PDE1A: variants seen among roughly 807,000 people sequenced by gnomAD.
PDE1A encodes the protein phosphodiesterase 1A.
In PDE1A, 35 loss-of-function variants were observed where a neutral mutation model predicts 61.7. The observed-to-expected ratio is 0.57, with a 90% CI of 0.43 to 0.75. The LOEUF (loss-of-function observed/expected upper bound fraction) is 0.75. Ranked by LOEUF, PDE1A falls within the 30% of genes least tolerant of loss-of-function variation. The probability of loss-of-function intolerance (pLI) is 0.00; values close to 1 mark genes in which losing one functional copy is unlikely to be tolerated. For missense variants in PDE1A, 597 were observed against 630.6 expected, an observed-to-expected ratio of 0.95 and a Z score of 0.57; for synonymous variants, 232 against 213.2, an observed-to-expected ratio of 1.09 and a Z score of -0.77.
chr2:182,550,624 T>G, the PDE1A span, among the ~76,000 whole-genome samples: 1 of 152,214 alleles, frequency 6.6e-6, no homozygotes. Context: ...TTAGACACAT[T>G]ATTGTATTAT....
At chr2:182,588,351 A>G in the PDE1A span, among the ~76,000 whole-genome samples, 4 of 152,156 alleles carry the variant, frequency 2.6e-5, no homozygotes, top group South Asian at 2.1e-4. Flanking sequence ...ATTCTTGTCC[A>G]TTGATCTTTC....
chr2:182,495,647 C>T (rs1003043836), intron 2 of PDE1A, among the ~76,000 whole-genome samples: 1 of 152,146 alleles, frequency 6.6e-6, no homozygotes, highest in African/African-American at 2.4e-5. Flanking sequence ...CCCTTAGCCT[C>T]CTGCCCCAAG....
At chr2:182,698,307 T>G in the PDE1A span, among the ~76,000 whole-genome samples, 1 of 152,162 alleles carries the variant, frequency 6.6e-6, no homozygotes, top group Non-Finnish European at 1.5e-5. Flanking sequence ...CTTAGGCTCT[T>G]GGACCCTGAA....
At chr2:182,666,529 A>T in the PDE1A span, among the ~76,000 whole-genome samples, 1 of 151,358 alleles carries the variant, frequency 6.6e-6, no homozygotes, top group Non-Finnish European at 1.5e-5. Flanking sequence ...AATCGCTTGA[A>T]CCCGGGAGGC....
chr2:182,249,024 G>C (rs1691198170), intron 2 of PDE1A, among the ~76,000 whole-genome samples: 1 of 152,144 alleles, frequency 6.6e-6, no homozygotes, highest in African/African-American at 2.4e-5. Context: ...CTTTTAATAA[G>C]TTTCATAAAA....
intron 1 of PDE1A, among the ~76,000 whole-genome samples, chr2:182,283,576 A>G (rs1693964910): frequency 6.6e-6 from 1 of 152,066 alleles, no homozygotes; most frequent in South Asian, 2.1e-4. Flanking sequence ...TTTAAAAAAA[A>G]TCTTTTCAAC....
At chr2:182,264,411 T>C (rs142681796) in exon 2 of PDE1A, 1 of 1,609,638 alleles carries the variant, frequency 6.2e-7, no homozygotes, top group Non-Finnish European at 8.5e-7. Context: ...CCAAGCATCT[T>C]AGTCTATTTC....
the PDE1A span, among the ~76,000 whole-genome samples, chr2:182,638,013 G>T: frequency 1.3e-5 from 2 of 152,044 alleles, no homozygotes; most frequent in South Asian, 2.1e-4. Flanking sequence ...AAAACTAAAT[G>T]CAATGTGAAA....
the PDE1A span, among the ~76,000 whole-genome samples, chr2:182,634,680 G>C: frequency 1.1e-4 from 16 of 152,250 alleles, 1 homozygote; most frequent in South Asian, 3.3e-3. Context: ...GCATTATGCG[G>C]TACTCAGAGA....
intron 1 of PDE1A, among the ~76,000 whole-genome samples, chr2:182,413,880 C>T (rs946680649): frequency 6.6e-6 from 1 of 152,152 alleles, no homozygotes; most frequent in Non-Finnish European, 1.5e-5. Context: ...ACTAGTGTTA[C>T]AAGGGACAAG....
chr2:182,590,365 G>A, the PDE1A span, among the ~76,000 whole-genome samples: 1 of 152,104 alleles, frequency 6.6e-6, no homozygotes, highest in South Asian at 2.1e-4. Context: ...CTACTCAGTA[G>A]ACTGAGGTGG....
At chr2:182,524,125 T>C (rs1257682583), upstream of PDE1A, among the ~76,000 whole-genome samples, 1 of 152,176 alleles carries the variant, frequency 6.6e-6, no homozygotes, top group East Asian at 1.9e-4. Flanking sequence ...ATCTTTGCCC[T>C]GAAAGTACCA....
At chr2:182,495,488 G>A (rs1688657780) in intron 2 of PDE1A, among the ~76,000 whole-genome samples, 1 of 152,192 alleles carries the variant, frequency 6.6e-6, no homozygotes, top group Non-Finnish European at 1.5e-5. Flanking sequence ...TTAACATGCT[G>A]TAACACATGG....
At chr2:182,510,017 G>C (rs1396202692) in intron 2 of PDE1A, among the ~76,000 whole-genome samples, 1 of 152,046 alleles carries the variant, frequency 6.6e-6, no homozygotes, top group Non-Finnish European at 1.5e-5. Context: ...CTGGTGCTTA[G>C]AGATTTTACT....
intron 8 of PDE1A, among the ~76,000 whole-genome samples, chr2:182,202,902 T>C (rs1394249351): frequency 6.6e-6 from 1 of 152,178 alleles, no homozygotes; most frequent in Non-Finnish European, 1.5e-5. Context: ...TTCATTTTCA[T>C]TGTGTGGTGT....
chr2:182,157,872 C>G (rs1691182307), intron 13 of PDE1A, among the ~76,000 whole-genome samples: 1 of 152,194 alleles, frequency 6.6e-6, no homozygotes. Flanking sequence ...GCCACCAAAT[C>G]TTTAAGAGGC....
At chr2:182,245,227 A>G (rs939445899) in intron 2 of PDE1A, among the ~76,000 whole-genome samples, 1 of 152,224 alleles carries the variant, frequency 6.6e-6, no homozygotes, top group African/African-American at 2.4e-5. Flanking sequence ...AATCGAGTGT[A>G]TAGTACAGAG....
intron 1 of PDE1A, among the ~76,000 whole-genome samples, chr2:182,385,640 G>GAAAGA (rs1553606357): frequency 0.029 from 2,032 of 70,468 alleles, 159 homozygotes; most frequent in African/African-American, 0.065. Context: ...AAAGAAAGAA[G>GAAAGA]AAGAAAGAAA....
chr2:182,442,565 AT>A (rs1477248509), intron 2 of PDE1A, among the ~76,000 whole-genome samples: 2 of 152,002 alleles, frequency 1.3e-5, no homozygotes, highest in Non-Finnish European at 2.9e-5. Context: ...TGTAATACAT[AT>A]TTAATTTTAT....
Sources: gnomAD v4.1 joint callset for allele counts (sites outside exome capture counted in the v4.1 genomes callset) on GRCh38, gnomAD v4.1.1 for gene constraint, MANE v1.5 for transcripts, NCBI Gene and HGNC (gene_info 2026-07-23, HGNC 2026-07-21) for gene names.